Variants in KLF12 observed in about 807,000 individuals in gnomAD.
KLF12 encodes Krueppel-like factor 12.
A neutral mutation model predicts 37.8 loss-of-function variants in KLF12; 9 were observed. The ratio of observed to expected loss-of-function variants is 0.24; its 90% confidence interval spans 0.14 to 0.42. The LOEUF is 0.42. Ranked by LOEUF, KLF12 falls within the 10% of genes least tolerant of loss-of-function variation. KLF12 has a pLI of 1.00. For missense variants in KLF12, 411 were observed against 516.0 expected (o/e 0.80, Z 1.97); for synonymous variants, 208 against 202.1 (o/e 1.03, Z -0.25).
intron 2 of KLF12, among the ~76,000 whole-genome samples, chr13:73,975,282 G>C (rs902040683): frequency 5.3e-5 from 8 of 152,172 alleles, no homozygotes; most frequent in Non-Finnish European, 1.2e-4. Flanking sequence ...AATCCAGTTA[G>C]ATCTTTAAAC....
At chr13:73,959,868 C>T (rs1445434311) in intron 2 of KLF12, among the ~76,000 whole-genome samples, 4 of 152,112 alleles carry the variant, frequency 2.6e-5, no homozygotes, top group South Asian at 2.1e-4. Flanking sequence ...AAAGATCAGA[C>T]GATGGCAAAC....
intron 1 of KLF12, among the ~76,000 whole-genome samples, chr13:74,104,610 C>A (rs1007943421): frequency 4.6e-5 from 7 of 152,136 alleles, no homozygotes; most frequent in African/African-American, 1.7e-4. Context: ...TATAATATCG[C>A]TTGAGATAGT....
chr13:74,183,499 C>G, the KLF12 span, among the ~76,000 whole-genome samples: 1 of 152,282 alleles, frequency 6.6e-6, no homozygotes, highest in Admixed American at 6.5e-5. Flanking sequence ...CTTTAATGTT[C>G]TTGCCAAAAT....
At chr13:73,752,203 G>A (rs1460003289) in intron 6 of KLF12, among the ~76,000 whole-genome samples, 2 of 152,034 alleles carry the variant, frequency 1.3e-5, no homozygotes, top group Non-Finnish European at 2.9e-5. Flanking sequence ...GGCTGGTCTT[G>A]AACTCCTGAG....
intron 1 of KLF12, among the ~76,000 whole-genome samples, chr13:74,033,273 T>C (rs1366087097): frequency 1.3e-5 from 2 of 152,342 alleles, no homozygotes; most frequent in East Asian, 1.9e-4. Flanking sequence ...ACAGGATACA[T>C]TGTTACTCTA....
the KLF12 span, among the ~76,000 whole-genome samples, chr13:74,291,246 T>C: frequency 6.6e-6 from 1 of 152,222 alleles, no homozygotes; most frequent in African/African-American, 2.4e-5. Context: ...TAAATAGGTT[T>C]GAAAACTACA....
At chr13:73,943,884 G>C in intron 3 of KLF12, 97 bp downstream of exon 3, 1 of 746,286 alleles carries the variant, frequency 1.3e-6, no homozygotes, top group East Asian at 2.6e-5. Context: ...CTTAAGCAAG[G>C]GAAACCGTAG....
At chr13:73,922,017 TA>T (rs1255888586) in intron 3 of KLF12, among the ~76,000 whole-genome samples, 6 of 152,148 alleles carry the variant, frequency 3.9e-5, no homozygotes, top group East Asian at 1.9e-4. Context: ...ATCTTTTAAT[TA>T]AAAAAAGTCA....
chr13:73,908,308 G>A (rs879650656), intron 3 of KLF12, among the ~76,000 whole-genome samples: 5 of 150,296 alleles, frequency 3.3e-5, no homozygotes, highest in Admixed American at 6.6e-5. Flanking sequence ...AGGCTGAGGC[G>A]GGAGAATCGC....
At chr13:74,171,487 C>T in the KLF12 span, among the ~76,000 whole-genome samples, 1 of 152,176 alleles carries the variant, frequency 6.6e-6, no homozygotes, top group Non-Finnish European at 1.5e-5. Context: ...GGAGGGAAAA[C>T]CGCTTCCTCC....
intron 3 of KLF12, among the ~76,000 whole-genome samples, chr13:73,857,285 A>G (rs1885658990): frequency 1.3e-5 from 2 of 152,194 alleles, no homozygotes; most frequent in African/African-American, 2.4e-5. Flanking sequence ...TCTACAGCAA[A>G]CTGGACAAGA....
intron 3 of KLF12, among the ~76,000 whole-genome samples, chr13:73,877,012 C>CAA (rs769655605): frequency 3.7e-5 from 4 of 107,230 alleles, no homozygotes; most frequent in Non-Finnish European, 5.9e-5. Flanking sequence ...GACTCCGTCT[C>CAA]AAAAAAAAAA....
At chr13:74,209,446 G>C in the KLF12 span, among the ~76,000 whole-genome samples, 1 of 150,588 alleles carries the variant, frequency 6.6e-6, no homozygotes, top group Admixed American at 6.6e-5. Flanking sequence ...ACTGAGCAAT[G>C]CACTAAATGT....
At chr13:73,981,285 ATCT>A (rs1399567733) in intron 2 of KLF12, among the ~76,000 whole-genome samples, 1 of 152,158 alleles carries the variant, frequency 6.6e-6, no homozygotes, top group African/African-American at 2.4e-5. Flanking sequence ...TCCAGAGAAA[ATCT>A]TCTATATTTG....
intron 5 of KLF12, chr13:73,800,756 T>C (rs966800414): frequency 6.6e-6 from 1 of 152,098 alleles, no homozygotes; most frequent in African/African-American, 2.4e-5. Context: ...ATTACATTTG[T>C]TTTTCCATAA....
intron 1 of KLF12, among the ~76,000 whole-genome samples, chr13:74,007,370 C>T (rs974231020): frequency 1.3e-5 from 2 of 152,008 alleles, no homozygotes; most frequent in South Asian, 2.1e-4. Flanking sequence ...CCATCCCCCC[C>T]GGGTTCACGT....
intron 3 of KLF12, among the ~76,000 whole-genome samples, chr13:73,849,375 TAAAA>T (rs574332239): frequency 0.35 from 34,317 of 98,792 alleles, 5,667 homozygotes; most frequent in Middle Eastern, 0.45. Flanking sequence ...GGAGACTCCA[TAAAA>T]AAAAAAAAAA....
chr13:73,764,217 C>CT (rs1334150667), intron 6 of KLF12, among the ~76,000 whole-genome samples: 1 of 151,578 alleles, frequency 6.6e-6, no homozygotes, highest in African/African-American at 2.4e-5. Flanking sequence ...TTTAGTTTTT[C>CT]TTTTTTTTCC....
At chr13:74,127,715 C>T (rs1878021191) in intron 1 of KLF12, among the ~76,000 whole-genome samples, 1 of 152,160 alleles carries the variant, frequency 6.6e-6, no homozygotes, top group Admixed American at 6.5e-5. Context: ...AATAGGTATT[C>T]AATAAATGTA....
Sources: gnomAD v4.1 joint callset for allele counts (sites outside exome capture counted in the v4.1 genomes callset) on GRCh38, gnomAD v4.1.1 for gene constraint, MANE v1.5 for transcripts, NCBI Gene and HGNC (gene_info 2026-07-23, HGNC 2026-07-21) for gene names.